Variants in STK32B observed in about 807,000 individuals in gnomAD.
STK32B encodes serine/threonine-protein kinase 32B.
STK32B carries 43 observed loss-of-function variants against 52.6 expected under a neutral mutation model. The observed-to-expected ratio is 0.82, with a 90% CI of 0.64 to 1.05. STK32B has a LOEUF of 1.05. Ranked by LOEUF, STK32B falls within the 50% of genes least tolerant of loss-of-function variation. The pLI is 0.00. For synonymous variants in STK32B, 238 were observed against 204.3 expected (o/e 1.17, Z -1.41); for missense variants, 621 against 534.6 (o/e 1.16, Z -1.59).
intron 3 of STK32B, among the ~76,000 whole-genome samples, chr4:5,307,625 C>G (rs1012817822): frequency 6.6e-6 from 1 of 150,674 alleles, no homozygotes; most frequent in Non-Finnish European, 1.5e-5. Flanking sequence ...TCTGCTGAAT[C>G]CTTCTTCTGG....
At chr4:5,443,484 T>G (rs1222338580) in intron 6 of STK32B, among the ~76,000 whole-genome samples, 1 of 152,112 alleles carries the variant, frequency 6.6e-6, no homozygotes, top group Non-Finnish European at 1.5e-5. Flanking sequence ...TCTGTATTGG[T>G]TATTCTAGTT....
At chr4:5,230,347 G>A (rs1400688962) in intron 3 of STK32B, among the ~76,000 whole-genome samples, 4 of 151,652 alleles carry the variant, frequency 2.6e-5, no homozygotes, top group East Asian at 1.9e-4. Context: ...CTGCCACCAC[G>A]CTTGGTTAGT....
chr4:5,171,902 A>G (rs1484672346), intron 3 of STK32B, among the ~76,000 whole-genome samples: 1 of 151,168 alleles, frequency 6.6e-6, no homozygotes, highest in Admixed American at 6.6e-5. Flanking sequence ...CTTGGGCAGT[A>G]TGGCCATTTT....
chr4:5,269,488 C>G (rs1332194685), intron 3 of STK32B, among the ~76,000 whole-genome samples: 1 of 152,140 alleles, frequency 6.6e-6, no homozygotes, highest in African/African-American at 2.4e-5. Flanking sequence ...CAGTGTTTGG[C>G]ATGCATAGAA....
chr4:5,242,564 A>G (rs1213403385), intron 3 of STK32B, among the ~76,000 whole-genome samples: 3 of 152,206 alleles, frequency 2.0e-5, no homozygotes, highest in African/African-American at 4.8e-5. Context: ...TTTGCTGTGC[A>G]GAAGCTCTTG....
At chr4:5,023,424 T>A in the STK32B span, among the ~76,000 whole-genome samples, 1 of 152,210 alleles carries the variant, frequency 6.6e-6, no homozygotes, top group Middle Eastern at 3.2e-3. Flanking sequence ...TCTGCTTGCA[T>A]ACGTCCCTGG....
At chr4:5,103,605 C>A (rs1713944594) in intron 1 of STK32B, among the ~76,000 whole-genome samples, 1 of 152,150 alleles carries the variant, frequency 6.6e-6, no homozygotes, top group African/African-American at 2.4e-5. Flanking sequence ...ATGGGAGTTT[C>A]TGTAGGGTAG....
intron 2 of STK32B, among the ~76,000 whole-genome samples, chr4:5,165,974 G>A (rs528171558): frequency 2.0e-5 from 3 of 152,162 alleles, no homozygotes; most frequent in African/African-American, 2.4e-5. Flanking sequence ...CAGTGGTGCC[G>A]GGTGGGTTTT....
At chr4:5,289,246 A>T (rs74957357) in intron 3 of STK32B, among the ~76,000 whole-genome samples, 1 of 152,298 alleles carries the variant, frequency 6.6e-6, no homozygotes, top group East Asian at 1.9e-4. Flanking sequence ...TAGAAAAAGC[A>T]TAAGTGTGGT....
At chr4:5,102,918 T>C (rs866851213) in intron 1 of STK32B, among the ~76,000 whole-genome samples, 52 of 81,410 alleles carry the variant, frequency 6.4e-4, no homozygotes, top group Admixed American at 3.5e-3. Flanking sequence ...TCCCCTCCCC[T>C]CCCTTCTCCT....
chr4:5,491,772 G>C (rs1483346735), intron 11 of STK32B, among the ~76,000 whole-genome samples: 1 of 151,688 alleles, frequency 6.6e-6, no homozygotes, highest in African/African-American at 2.4e-5. Context: ...GTAAGGAAGG[G>C]ATCCAGTTTC....
At chr4:5,114,191 A>T (rs1040181815) in intron 1 of STK32B, among the ~76,000 whole-genome samples, 2 of 151,316 alleles carry the variant, frequency 1.3e-5, no homozygotes, top group African/African-American at 4.9e-5. Flanking sequence ...TCTCCTTCCC[A>T]TCTCAGTGTC....
intron 1 of STK32B, among the ~76,000 whole-genome samples, chr4:5,102,804 A>G (rs774626626): frequency 4.1e-5 from 6 of 144,692 alleles, no homozygotes; most frequent in Non-Finnish European, 9.1e-5. Flanking sequence ...CAGCCTCCCA[A>G]AGTGCTGGGA....
intron 6 of STK32B, among the ~76,000 whole-genome samples, chr4:5,418,470 T>G (rs1194522531): frequency 6.6e-6 from 1 of 152,246 alleles, no homozygotes; most frequent in Non-Finnish European, 1.5e-5. Flanking sequence ...GCACAAACAT[T>G]TAAAGCCCAT....
intron 11 of STK32B, among the ~76,000 whole-genome samples, chr4:5,484,851 A>T (rs1030602852): frequency 3.9e-5 from 6 of 152,056 alleles, no homozygotes; most frequent in African/African-American, 9.7e-5. Flanking sequence ...CTTATGAAGC[A>T]TAGTTTGGCT....
At chr4:5,269,555 T>G (rs372357531) in intron 3 of STK32B, among the ~76,000 whole-genome samples, 33 of 152,284 alleles carry the variant, frequency 2.2e-4, no homozygotes, top group African/African-American at 7.7e-4. Context: ...ACAGACAATT[T>G]GTTAGAATTA....
Position 5,469,434 on chromosome 4 carries a change from G to T in STK32B, c.1106+1364G>T, listed in dbSNP as rs1238900474. Among the ~76,000 whole-genome samples the T allele has an allele frequency of 3.9e-5, 6 of 152,212 alleles. No individual in the cohort carries two copies. Among genetic ancestry groups the T allele is most frequent in the Non-Finnish European group, 8.8e-5 (6 of 68,044 alleles). ...GGGCCAAGTCCTAAGGGACATGTAGGGGAAAACGCGGCATTCCAGGAGTAG... is the reference window on the plus strand; with the variant it reads ...GGGCCAAGTCCTAAGGGACATGTAGTGGAAAACGCGGCATTCCAGGAGTAG... On this transcript the variant is annotated intron_variant, in intron 11 of 11. Coordinates refer to ENST00000282908, the MANE Select transcript of STK32B (RefSeq NM_018401.3). This position sits in a 1 kb window ranked among gnomAD's most constrained non-coding sequence, Gnocchi z 4.7.
chr4:5,322,922 C>T (rs1324151674), intron 3 of STK32B, among the ~76,000 whole-genome samples: 1 of 152,168 alleles, frequency 6.6e-6, no homozygotes, highest in African/African-American at 2.4e-5. Flanking sequence ...TGTAAGCAGC[C>T]TCCAAGGCTG....
intron 4 of STK32B, among the ~76,000 whole-genome samples, chr4:5,393,778 C>T (rs545377990): frequency 6.8e-4 from 104 of 152,200 alleles, no homozygotes; most frequent in South Asian, 5.0e-3. Context: ...GAGATTTGGG[C>T]GGGAACACAG....
Sources: gnomAD v4.1 joint callset for allele counts (sites outside exome capture counted in the v4.1 genomes callset) on GRCh38, gnomAD v4.1.1 for gene constraint, Gnocchi (gnomAD v3.1) non-coding constraint, MANE v1.5 for transcripts, NCBI Gene and HGNC (gene_info 2026-07-23, HGNC 2026-07-21) for gene names.